Variants in CCDC102B observed in about 807,000 individuals in gnomAD.
CCDC102B encodes the protein coiled-coil domain-containing protein 102B.
CCDC102B carries 75 observed loss-of-function variants against 57.4 expected under a neutral mutation model. The observed-to-expected ratio is 1.31, with a 90% CI of 1.08 to 1.58. The LOEUF is 1.58. CCDC102B is among the 40% of genes most tolerant of loss of function. The pLI, the probability that CCDC102B is intolerant of heterozygous loss-of-function variation, is 0.00. For missense variants in CCDC102B, 636 were observed against 582.6 expected, an observed-to-expected ratio of 1.09 and a Z score of -0.94; for synonymous variants, 206 against 201.9, an observed-to-expected ratio of 1.02 and a Z score of -0.17.
intron 6 of CCDC102B, among the ~76,000 whole-genome samples, chr18:68,901,721 T>TTTC (rs1162677340): frequency 1.3e-5 from 2 of 152,150 alleles, no homozygotes; most frequent in Non-Finnish European, 2.9e-5. Context: ...AGTCTCTTAT[T>TTTC]TTCTTTGCCT....
chr18:68,835,992 T>C (rs751370341), intron 1 of CCDC102B, among the ~76,000 whole-genome samples: 7 of 152,164 alleles, frequency 4.6e-5, no homozygotes, highest in African/African-American at 9.7e-5. Flanking sequence ...TGATTCAACC[T>C]CTGGGACTGG....
intron 6 of CCDC102B, among the ~76,000 whole-genome samples, chr18:68,943,171 G>A (rs1339221648): frequency 6.6e-6 from 1 of 151,566 alleles, no homozygotes; most frequent in Non-Finnish European, 1.5e-5. Context: ...ACAAAATGGA[G>A]TCTCTTATGT....
chr18:68,846,217 CA>C (rs2037848918), intron 3 of CCDC102B, 95 bp from the exon 4 acceptor site: 9 of 659,542 alleles, frequency 1.4e-5, no homozygotes, highest in Non-Finnish European at 2.1e-5. Flanking sequence ...TTACAAATAT[CA>C]AAAATTAGGA....
intron 6 of CCDC102B, among the ~76,000 whole-genome samples, chr18:68,949,383 A>T (rs1418424180): frequency 6.6e-6 from 1 of 152,128 alleles, no homozygotes; most frequent in Non-Finnish European, 1.5e-5. Flanking sequence ...TTGTATAAAA[A>T]CACAATAGAA....
exon 1 of CCDC102B, chr18:68,715,277 G>A: frequency 3.1e-6 from 4 of 1,290,842 alleles, no homozygotes; most frequent in Non-Finnish European, 3.9e-6. Flanking sequence ...CCCTGCTTAA[G>A]GGCTTTACTA....
chr18:68,758,952 T>C (rs1676846), intron 2 of CCDC102B, among the ~76,000 whole-genome samples: 10,370 of 139,116 alleles, frequency 0.075, 715 homozygotes, highest in African/African-American at 0.18. Flanking sequence ...AAAAAAAACC[T>C]CAAATGGATG....
At chr18:68,919,546 C>T (rs1046404261) in intron 6 of CCDC102B, among the ~76,000 whole-genome samples, 4 of 152,054 alleles carry the variant, frequency 2.6e-5, no homozygotes, top group Admixed American at 6.6e-5. Flanking sequence ...GTTAGAGTCA[C>T]GATACTACTG....
chr18:68,867,733 C>G (rs775892605), intron 4 of CCDC102B, among the ~76,000 whole-genome samples: 8 of 151,826 alleles, frequency 5.3e-5, no homozygotes, highest in Non-Finnish European at 7.4e-5. Context: ...AGGAGATCGA[C>G]ACCATCCTGG....
chr18:69,021,361 TA>T (rs1372306555), intron 7 of CCDC102B, among the ~76,000 whole-genome samples: 1 of 152,158 alleles, frequency 6.6e-6, no homozygotes, highest in East Asian at 1.9e-4. Flanking sequence ...TAGGTAAGAT[TA>T]AAAAGAAATC....
chr18:68,805,393 C>T (rs1179785649), intron 1 of CCDC102B, among the ~76,000 whole-genome samples: 1 of 152,056 alleles, frequency 6.6e-6, no homozygotes, highest in African/African-American at 2.4e-5. Context: ...TTTCTCAAAG[C>T]CTGATCAAGA....
intron 2 of CCDC102B, among the ~76,000 whole-genome samples, chr18:68,745,209 A>G (rs2033564848): frequency 6.6e-6 from 1 of 151,690 alleles, no homozygotes. Context: ...TCTTTTCCTC[A>G]CTGGGGGCCA....
upstream of CCDC102B, among the ~76,000 whole-genome samples, chr18:68,795,725 T>C (rs1171686350): frequency 6.6e-6 from 1 of 152,136 alleles, no homozygotes; most frequent in Non-Finnish European, 1.5e-5. Flanking sequence ...TGATTACATC[T>C]TCAAAGACCG....
At chr18:68,793,067 A>G (rs902628826) in intron 2 of CCDC102B, among the ~76,000 whole-genome samples, 1 of 152,156 alleles carries the variant, frequency 6.6e-6, no homozygotes, top group Admixed American at 6.6e-5. Context: ...CTGGCTGCCC[A>G]GCTGGTCTCT....
chr18:68,855,690 T>G (rs2038351540), intron 4 of CCDC102B, among the ~76,000 whole-genome samples: 1 of 152,212 alleles, frequency 6.6e-6, no homozygotes, highest in Admixed American at 6.5e-5. Context: ...TTGCCTGTTC[T>G]GGGCATTTCA....
chr18:69,030,798 G>T lies in CCDC102B; in HGVS notation c.1434+19694G>T, dbSNP rs554145879. 1.5e-4 allele frequency among the ~76,000 whole-genome samples: 23 copies of T among 152,258 alleles called. No homozygotes were observed. The South Asian group carries it at 4.6e-3, about 30-fold the overall frequency. On this transcript the variant is annotated intron_variant, in intron 7 of 7. Coordinates refer to ENST00000360242, the MANE Select transcript of CCDC102B (RefSeq NM_024781.3). ...GCCTCCTGCGTAGCTGGGACTACAG[G>T]TGTACACCACCACGCCCGGATCATT...
chr18:69,054,176 T>G lies in CCDC102B; in HGVS notation c.*39T>G, dbSNP rs879354216. 3.9e-6 allele frequency: 6 copies of G among 1,547,962 alleles called. No homozygotes were observed. Among genetic ancestry groups the G allele is most frequent in the African/African-American group, 1.4e-5 (1 of 71,234 alleles). On this transcript the variant is annotated 3_prime_UTR_variant, in exon 8 of 8. Coordinates refer to ENST00000360242, the MANE Select transcript of CCDC102B (RefSeq NM_024781.3). Reference sequence around the variant, plus strand: ...TATGCTGAATTAAAGATTAGGGCCTTAAAGACATTTCCATATCCTTTTCTT... The same window carrying G: ...TATGCTGAATTAAAGATTAGGGCCTGAAAGACATTTCCATATCCTTTTCTT...
intron 1 of CCDC102B, among the ~76,000 whole-genome samples, chr18:68,827,648 C>G (rs549980245): frequency 6.6e-6 from 1 of 151,832 alleles, no homozygotes; most frequent in South Asian, 2.1e-4. Context: ...TCTAACACAT[C>G]AATAATTACT....
At chr18:68,804,898 CA>C (rs1568260042) in intron 1 of CCDC102B, among the ~76,000 whole-genome samples, 1 of 147,626 alleles carries the variant, frequency 6.8e-6, no homozygotes, top group African/African-American at 2.5e-5. Context: ...GGTATTATAG[CA>C]TGTGCATTTG....
intron 4 of CCDC102B, among the ~76,000 whole-genome samples, chr18:68,852,644 A>G (rs1309490582): frequency 6.6e-6 from 1 of 152,162 alleles, no homozygotes; most frequent in Admixed American, 6.5e-5. Flanking sequence ...TATTAGATTG[A>G]TTGAATCCAT....
Sources: allele counts gnomAD v4.1 joint callset (sites outside exome capture counted in the v4.1 genomes callset), GRCh38; gene constraint gnomAD v4.1.1; transcripts MANE v1.5; gene names NCBI Gene and HGNC (gene_info 2026-07-23, HGNC 2026-07-21).